Variants in MARCHF4 observed in about 807,000 individuals in gnomAD.
The protein encoded by MARCHF4 is E3 ubiquitin-protein ligase MARCHF4.
In MARCHF4, 14 loss-of-function variants were observed where a neutral mutation model predicts 43.9. The observed-to-expected ratio is 0.32, with a 90% CI of 0.21 to 0.50. MARCHF4 has a LOEUF of 0.50. MARCHF4 is among the 20% of genes least tolerant of loss of function. The pLI is 0.98. For missense variants in MARCHF4, 468 were observed against 536.7 expected, an observed-to-expected ratio of 0.87 and a Z score of 1.27; for synonymous variants, 226 against 213.3, an observed-to-expected ratio of 1.06 and a Z score of -0.52.
chr2:216,365,900 A>C (rs999403697), intron 1 of MARCHF4, among the ~76,000 whole-genome samples: 1 of 152,204 alleles, frequency 6.6e-6, no homozygotes, highest in African/African-American at 2.4e-5. Context: ...GCAGAACAGC[A>C]GGCAAAAGGT....
At chr2:216,301,109 A>G (rs1216710038) in intron 1 of MARCHF4, among the ~76,000 whole-genome samples, 5 of 152,172 alleles carry the variant, frequency 3.3e-5, no homozygotes, top group Admixed American at 2.0e-4. Flanking sequence ...TCCCTTGCTG[A>G]GAATGGAATA....
At chr2:216,357,905 G>A (rs535420392) in intron 1 of MARCHF4, among the ~76,000 whole-genome samples, 35 of 152,174 alleles carry the variant, frequency 2.3e-4, no homozygotes, top group African/African-American at 7.2e-4. Flanking sequence ...TAGTTTCATC[G>A]ACTCCTGACA....
chr2:216,331,797 A>G (rs1483990381), intron 1 of MARCHF4, among the ~76,000 whole-genome samples: 1 of 152,246 alleles, frequency 6.6e-6, no homozygotes, highest in Non-Finnish European at 1.5e-5. Context: ...AAAAGTTATT[A>G]GTGAACTCAG....
At chr2:216,354,980 T>TTTCC (rs1692476731) in intron 1 of MARCHF4, among the ~76,000 whole-genome samples, 1 of 135,810 alleles carries the variant, frequency 7.4e-6, no homozygotes, top group Non-Finnish European at 1.5e-5. Context: ...TCTTTCTTTC[T>TTTCC]TTCTTTTTTG....
At position 216,371,394 on chromosome 2, in the gene MARCHF4, A is replaced by T. The variant is rs887659204; in HGVS notation, c.-1134T>A. On this transcript the variant is annotated 5_prime_UTR_variant, in exon 1 of 4. Transcript: ENST00000273067. ...AGAGAAGGGCAGGTCCGGGCGGGCG[A>T]GTGGCCTCGCCTTCTCCTCCTCTTC... The T allele has an allele frequency of 2.0e-5, 3 of 152,682 alleles. No individual in the cohort carries two copies. Among genetic ancestry groups the T allele is most frequent in the African/African-American group, 7.2e-5 (3 of 41,468 alleles). 9.5% of individuals were successfully genotyped at this position (152,682 alleles called of 1,614,324 possible). A position where few individuals can be genotyped will look rare whatever the true frequency, so the allele number is the denominator to read the frequency against.
rs535771167 is a variant in MARCHF4 at position 216,276,704 on chromosome 2, A to T, written c.865+968T>A. On this transcript the variant is annotated intron_variant, in intron 3 of 3. Coordinates refer to ENST00000273067, the MANE Select transcript of MARCHF4 (RefSeq NM_020814.3). ...CAATATACATACTAACAACACCGGGAGAGGATAACTGTGGAACTCTAATGC... is the reference window on the plus strand; with the variant it reads ...CAATATACATACTAACAACACCGGGTGAGGATAACTGTGGAACTCTAATGC... Among the ~76,000 whole-genome samples, 5 of 152,290 alleles carry T rather than the reference A, an allele frequency of 3.3e-5. No homozygotes were observed. The South Asian group carries it at 1.0e-3, about 32-fold the overall frequency.
rs1347786815 is a variant in MARCHF4, at chr2:216,369,782, G to T, written c.479C>A (p.Thr160Asn). 2.5e-6 allele frequency: 4 copies of T among 1,607,832 alleles called. No homozygotes were observed. The highest frequency in any genetic ancestry group is 1.7e-5 in the Admixed American group (1 of 59,714). Residue 160 changes from threonine (T) to asparagine (N), a missense_variant, in exon 1 of 4, where the codon ACC becomes AAC. Thr to Asn is a moderately conservative substitution (Grantham distance 65, BLOSUM62 0). Coordinates refer to ENST00000273067, the MANE Select transcript of MARCHF4 (RefSeq NM_020814.3). ...LGSSLDSGMR[T>N]PLCRICFQGP... ...CTGGAAGCAGATGCGGCAGAGTGGG[G>T]TCCTCATACCACTGTCCAAGCTGCT...
intron 1 of MARCHF4, among the ~76,000 whole-genome samples, chr2:216,367,194 A>G (rs1692680018): frequency 6.6e-6 from 1 of 152,108 alleles, no homozygotes; most frequent in South Asian, 2.1e-4. Context: ...TTCAGCTACT[A>G]AGATTGCAGC....
intron 1 of MARCHF4, among the ~76,000 whole-genome samples, chr2:216,335,355 C>T (rs1334563817): frequency 6.6e-6 from 1 of 152,038 alleles, no homozygotes; most frequent in East Asian, 1.9e-4. Context: ...GAAAATGGCA[C>T]GCAGGAGTCC....
At chr2:216,320,032 G>C (rs1474419539) in intron 1 of MARCHF4, among the ~76,000 whole-genome samples, 1 of 152,138 alleles carries the variant, frequency 6.6e-6, no homozygotes, top group Non-Finnish European at 1.5e-5. Context: ...TCAATGCCTT[G>C]GTTGAGTGTT....
intron 1 of MARCHF4, among the ~76,000 whole-genome samples, chr2:216,313,603 A>T (rs1444261590): frequency 6.6e-6 from 1 of 152,218 alleles, no homozygotes; most frequent in Non-Finnish European, 1.5e-5. Flanking sequence ...ATCACATGTA[A>T]GCAAGTGTCC....
intron 1 of MARCHF4, among the ~76,000 whole-genome samples, chr2:216,304,012 A>G (rs1313511836): frequency 2.6e-5 from 4 of 152,170 alleles, no homozygotes; most frequent in Non-Finnish European, 5.9e-5. Context: ...GGACCCTGAA[A>G]CAGGGAACTT....
intron 1 of MARCHF4, among the ~76,000 whole-genome samples, chr2:216,344,546 A>C (rs895954863): frequency 1.3e-5 from 2 of 152,176 alleles, no homozygotes; most frequent in African/African-American, 2.4e-5. Flanking sequence ...CAAGAATGGG[A>C]AATTGAGAAT....
At chr2:216,275,209 G>A (rs1691000531) in intron 3 of MARCHF4, among the ~76,000 whole-genome samples, 2 of 152,236 alleles carry the variant, frequency 1.3e-5, no homozygotes, top group Non-Finnish European at 1.5e-5. Context: ...AGATAGAAGT[G>A]TGCCAGGGAA....
intron 1 of MARCHF4, among the ~76,000 whole-genome samples, chr2:216,356,099 T>C (rs1317911416): frequency 6.6e-6 from 1 of 152,206 alleles, no homozygotes; most frequent in African/African-American, 2.4e-5. Context: ...ATGGGATAAA[T>C]AAAAATATAC....
chr2:216,365,934 G>A (rs1486017537), intron 1 of MARCHF4, among the ~76,000 whole-genome samples: 1 of 152,132 alleles, frequency 6.6e-6, no homozygotes, highest in East Asian at 1.9e-4. Flanking sequence ...AGACTTTGAT[G>A]ATGGAAACGG....
intron 1 of MARCHF4, among the ~76,000 whole-genome samples, chr2:216,334,966 C>T (rs1207475985): frequency 6.6e-6 from 1 of 152,202 alleles, no homozygotes; most frequent in Non-Finnish European, 1.5e-5. Context: ...AGGGAACCTT[C>T]AGAACTACTC....
intron 3 of MARCHF4, among the ~76,000 whole-genome samples, chr2:216,272,624 C>G (rs138201143): frequency 2.0e-5 from 3 of 152,324 alleles, no homozygotes; most frequent in South Asian, 2.1e-4. Context: ...TTGCTTTAAG[C>G]CTTTCCTCAT....
intron 1 of MARCHF4, among the ~76,000 whole-genome samples, chr2:216,349,623 C>G (rs552904099): frequency 3.3e-5 from 5 of 152,124 alleles, no homozygotes; most frequent in East Asian, 1.9e-4. Flanking sequence ...TTGGAGGAGG[C>G]TGGGCTTGGA....
Sources: allele counts gnomAD v4.1 joint callset (sites outside exome capture counted in the v4.1 genomes callset), GRCh38; gene constraint gnomAD v4.1.1; transcripts MANE v1.5; gene names NCBI Gene and HGNC (gene_info 2026-07-23, HGNC 2026-07-21).